Variants in CYP26B1 observed in about 807,000 individuals in gnomAD.
CYP26B1 encodes cytochrome P450 family 26 subfamily B member 1, also known as cytochrome P450 26B1.
Under a neutral mutation model 39.1 loss-of-function variants are expected in CYP26B1, and 8 were observed. That is an observed-to-expected ratio of 0.20 (90% confidence interval 0.12 to 0.37). The LOEUF is 0.37. CYP26B1 is among the 10% of genes least tolerant of loss of function. The pLI is 1.00. For synonymous variants in CYP26B1, 321 were observed against 314.3 expected, an observed-to-expected ratio of 1.02 and a Z score of -0.23; for missense variants, 615 against 707.0, an observed-to-expected ratio of 0.87 and a Z score of 1.48.
intron 1 of CYP26B1, among the ~76,000 whole-genome samples, chr2:72,146,511 C>T (rs1048513837): frequency 6.6e-6 from 1 of 152,242 alleles, no homozygotes; most frequent in Admixed American, 6.5e-5. Flanking sequence ...CGCTGTCACT[C>T]GTCCCGGGGC....
chr2:72,140,077 C>G (rs1487802798), intron 2 of CYP26B1, among the ~76,000 whole-genome samples: 1 of 152,198 alleles, frequency 6.6e-6, no homozygotes, highest in Non-Finnish European at 1.5e-5. Context: ...CCCCACCGAG[C>G]CTTCCCACTC....
Position 72,144,295 on chromosome 2 carries a change from G to C in CYP26B1, c.205-82C>G, listed in dbSNP as rs757480523. On this transcript the variant is annotated intron_variant, in intron 1 of 5. Coordinates refer to ENST00000001146, the MANE Select transcript of CYP26B1 (RefSeq NM_019885.4). The stretch of plus-strand genomic sequence containing the variant: ...GGGAGGGGCGGCGGACCCCAACCCG[G>C]GGTACAGTCACCTGCCCCCTCTCCC... 12 of 1,540,204 alleles carry C rather than the reference G, an allele frequency of 7.8e-6. No individual in the cohort carries two copies. In the East Asian group the frequency reaches 2.8e-4, roughly 36 times the overall value.
chr2:72,140,434 T>A (rs1676911631), intron 2 of CYP26B1, among the ~76,000 whole-genome samples: 2 of 152,234 alleles, frequency 1.3e-5, no homozygotes, highest in Admixed American at 1.3e-4. Context: ...AACAAAGGCG[T>A]TGTGCCTATG....
intron 4 of CYP26B1, 111 bp from the exon 5 acceptor site, chr2:72,133,418 T>C (rs1395194887): frequency 1.5e-6 from 2 of 1,377,698 alleles, no homozygotes; most frequent in African/African-American, 1.4e-5. Context: ...GGGCCCTGCC[T>C]GGTTCCTGCA....
rs1676649094 is a variant in CYP26B1 at position 72,133,210 on chromosome 2, T to G, written c.959A>C (p.Glu320Ala). ...AGCCCGCAGCTCATCCCGCAGCTTC[T>G]CCAGCACAGTGGGGTGCTTCAGCAG... Reference protein sequence around the residue: ...MQLLKHPTVLEKLRDELRAHG... With the variant: ...MQLLKHPTVLAKLRDELRAHG... The change falls in exon 5 of 6, where the codon GAG (glutamate) becomes GCG (alanine). Residue 320 changes from glutamate (E) to alanine (A), a missense_variant. Coordinates refer to ENST00000001146, the MANE Select transcript of CYP26B1 (RefSeq NM_019885.4). 2 of 1,612,322 alleles carry G rather than the reference T, an allele frequency of 1.2e-6. No homozygotes were observed. Among genetic ancestry groups the G allele is most frequent in the Admixed American group, 1.7e-5 (1 of 59,926 alleles).
chr2:72,134,209 C>T (rs1386080124), intron 4 of CYP26B1, among the ~76,000 whole-genome samples: 1 of 151,912 alleles, frequency 6.6e-6, no homozygotes, highest in South Asian at 2.1e-4. Flanking sequence ...CCTGCAGAGC[C>T]CAGGTGGGGA....
intron 2 of CYP26B1, among the ~76,000 whole-genome samples, chr2:72,140,479 C>T (rs1033619743): frequency 6.6e-6 from 1 of 152,268 alleles, no homozygotes; most frequent in Non-Finnish European, 1.5e-5. Context: ...AGCAGCAGAG[C>T]TGCCTGGCTG....
intron 2 of CYP26B1, 98 bp downstream of exon 2, chr2:72,143,891 G>A (rs928007561): frequency 2.9e-5 from 40 of 1,401,654 alleles, no homozygotes; most frequent in Non-Finnish European, 3.5e-5. Context: ...GTGCAAAGGG[G>A]GGCACAGATT....
chr2:72,146,600 C>G (rs978898526), intron 1 of CYP26B1, among the ~76,000 whole-genome samples: 5 of 152,208 alleles, frequency 3.3e-5, no homozygotes. Context: ...ACCTGTAAAC[C>G]CACAGGTCGC....
intron 2 of CYP26B1, 94 bp downstream of exon 2, chr2:72,143,895 A>T (rs1677033808): frequency 6.9e-7 from 1 of 1,442,384 alleles, no homozygotes; most frequent in Non-Finnish European, 9.6e-7. Context: ...AAAGGGGGGC[A>T]CAGATTCGGT....
chr2:72,134,122 C>T (rs1449668611), intron 4 of CYP26B1, among the ~76,000 whole-genome samples: 1 of 152,212 alleles, frequency 6.6e-6, no homozygotes, highest in African/African-American at 2.4e-5. Flanking sequence ...GAAGTTGGAG[C>T]TAGAATATGG....
At position 72,133,088 on chromosome 2, in the gene CYP26B1, C is replaced by A; in HGVS notation, c.1081G>T (p.Val361Phe). ...LRYLDCVIKE[V>F]MRLFTPISGG... ...GAAATGGGCGTGAACAGGCGCATGACCTCCTTGATGACGCAGTCCAGGTAG... is the reference window on the plus strand; with the variant it reads ...GAAATGGGCGTGAACAGGCGCATGAACTCCTTGATGACGCAGTCCAGGTAG... Residue 361 changes from valine to phenylalanine, a missense_variant, in exon 5 of 6, where the codon GTC (valine) becomes TTC (phenylalanine). Transcript: ENST00000001146. 6.2e-7 allele frequency: 1 copy of A among 1,613,256 alleles called. No individual in the cohort carries two copies. Among genetic ancestry groups the A allele is most frequent in the Non-Finnish European group, 8.5e-7 (1 of 1,180,004 alleles).
chr2:72,132,757 A>G (rs1676631047), intron 5 of CYP26B1, 138 bp from the exon 6 acceptor site: 2 of 1,466,162 alleles, frequency 1.4e-6, no homozygotes, highest in African/African-American at 1.4e-5. Flanking sequence ...GTGGCCCCCA[A>G]GGCCTGGCCA....
At position 72,131,453 on chromosome 2, in the gene CYP26B1, G is replaced by C. The variant is rs1182096212; in HGVS notation, c.*774C>G. ...CCAGCATCCCCAAGATTCTCTATCA[G>C]TGAATAAATATGGGGGCGGGCAGCA... is the stretch of plus-strand genomic sequence containing the variant. On this transcript the variant is annotated 3_prime_UTR_variant, in exon 6 of 6. Coordinates refer to ENST00000001146, the MANE Select transcript of CYP26B1 (RefSeq NM_019885.4). The C allele has an allele frequency of 1.3e-5, 2 of 152,430 alleles. No individual in the cohort carries two copies. Among genetic ancestry groups the C allele is most frequent in the Admixed American group, 1.3e-4 (2 of 15,282 alleles). 9.4% of individuals were successfully genotyped at this position (152,430 alleles called of 1,614,324 possible).
chr2:72,144,924 A>G (rs987937116), intron 1 of CYP26B1, among the ~76,000 whole-genome samples: 4 of 152,112 alleles, frequency 2.6e-5, no homozygotes, highest in African/African-American at 9.7e-5. Flanking sequence ...TGGCGGCGCA[A>G]GCCGAGGATG....
At chr2:72,140,432 C>T (rs918756120) in intron 2 of CYP26B1, among the ~76,000 whole-genome samples, 8 of 152,268 alleles carry the variant, frequency 5.3e-5, no homozygotes, top group African/African-American at 1.7e-4. Context: ...AGAACAAAGG[C>T]GTTGTGCCTA....
At chr2:72,141,773 G>T (rs553384019) in intron 2 of CYP26B1, among the ~76,000 whole-genome samples, 77 of 152,360 alleles carry the variant, frequency 5.1e-4, no homozygotes, top group Non-Finnish European at 7.6e-4. Flanking sequence ...TACCTACCTA[G>T]TTCCAGGACT....
chr2:72,137,399 C>A (rs752240210), intron 2 of CYP26B1, among the ~76,000 whole-genome samples: 1 of 152,228 alleles, frequency 6.6e-6, no homozygotes, highest in Non-Finnish European at 1.5e-5. Flanking sequence ...CTTCAATCCA[C>A]TGAGCACCTA....
chr2:72,134,953 A>G (rs1676718787), intron 3 of CYP26B1, 37 bp from the exon 4 acceptor site: 2 of 1,611,356 alleles, frequency 1.2e-6, no homozygotes, highest in Non-Finnish European at 1.7e-6. Context: ...ATGGAAGGGC[A>G]GGCTCCCATC....
Sources: allele counts gnomAD v4.1 joint callset (sites outside exome capture counted in the v4.1 genomes callset), GRCh38; gene constraint gnomAD v4.1.1; transcripts MANE v1.5; gene names NCBI Gene and HGNC (gene_info 2026-07-23, HGNC 2026-07-21).